CNTNAP2: variants seen among roughly 807,000 people sequenced by gnomAD.
The protein encoded by CNTNAP2 is contactin-associated protein-like 2.
CNTNAP2 carries 98 observed loss-of-function variants against 155.2 expected under a neutral mutation model. That is an observed-to-expected ratio of 0.63 (90% CI 0.54 to 0.75). The LOEUF is 0.75. Among genes scored for constraint, CNTNAP2 ranks in the 30% least tolerant of loss-of-function variants. The pLI is 0.00. For synonymous variants in CNTNAP2, 651 were observed against 631.2 expected, an observed-to-expected ratio of 1.03 and a Z score of -0.47; for missense variants, 1,727 against 1,688.1, an observed-to-expected ratio of 1.02 and a Z score of -0.40.
intron 21 of CNTNAP2, among the ~76,000 whole-genome samples, chr7:148,318,679 C>G (rs887925168): frequency 2.0e-5 from 3 of 152,166 alleles, no homozygotes; most frequent in Non-Finnish European, 2.9e-5. Flanking sequence ...ACACTGTTAA[C>G]CTTTGCAAAT....
intron 10 of CNTNAP2, among the ~76,000 whole-genome samples, chr7:147,414,996 G>C (rs1192864564): frequency 6.8e-6 from 1 of 147,776 alleles, no homozygotes; most frequent in Non-Finnish European, 1.5e-5. Flanking sequence ...TTCTCTATCT[G>C]AGAACTGATA....
chr7:146,355,373 G>T (rs1031452263), intron 1 of CNTNAP2, among the ~76,000 whole-genome samples: 4 of 152,102 alleles, frequency 2.6e-5, no homozygotes, highest in Admixed American at 6.5e-5. Flanking sequence ...ACAGCATGGG[G>T]TTCCAATAAC....
chr7:147,179,866 G>T lies in CNTNAP2; in HGVS notation c.1348+47357G>T, dbSNP rs539020601. Among the ~76,000 whole-genome samples the T allele has an allele frequency of 2.0e-5, 3 of 151,206 alleles. No homozygotes were observed. In the South Asian group the frequency reaches 6.3e-4, roughly 32 times the overall value. ...AGAGTAAGTGATCTTGAGGACAAGA[G>T]GCATTTTTGAGAAGAAAATGTTTGA... On this transcript the variant is annotated intron_variant, in intron 8 of 23. Coordinates refer to ENST00000361727, the MANE Select transcript of CNTNAP2 (RefSeq NM_014141.6).
At chr7:147,681,114 G>A (rs1795942606) in intron 13 of CNTNAP2, among the ~76,000 whole-genome samples, 1 of 151,968 alleles carries the variant, frequency 6.6e-6, no homozygotes, top group Non-Finnish European at 1.5e-5. Context: ...GAAGTTTCAT[G>A]TGTATGAGAT....
intron 11 of CNTNAP2, among the ~76,000 whole-genome samples, chr7:147,519,335 A>C (rs183929868): frequency 6.6e-6 from 1 of 152,252 alleles, no homozygotes; most frequent in Admixed American, 6.5e-5. Context: ...TCTGGCACTG[A>C]CTACCCTGCC....
intron 1 of CNTNAP2, among the ~76,000 whole-genome samples, chr7:146,631,973 A>C (rs745394272): frequency 2.0e-5 from 3 of 152,178 alleles, no homozygotes; most frequent in Non-Finnish European, 2.9e-5. Flanking sequence ...AATTGATTAA[A>C]AGTATATCAT....
intron 9 of CNTNAP2, among the ~76,000 whole-genome samples, chr7:147,380,968 T>C (rs1796524993): frequency 6.6e-6 from 1 of 152,064 alleles, no homozygotes; most frequent in Admixed American, 6.6e-5. Flanking sequence ...GACTAAGAAA[T>C]TATTTTCTGG....
At chr7:147,078,201 G>A (rs1210739194) in intron 4 of CNTNAP2, among the ~76,000 whole-genome samples, 1 of 152,164 alleles carries the variant, frequency 6.6e-6, no homozygotes, top group Non-Finnish European at 1.5e-5. Flanking sequence ...AGAATTACAT[G>A]TATAATGAAA....
At chr7:146,222,443 G>T (rs941043445) in intron 1 of CNTNAP2, among the ~76,000 whole-genome samples, 1 of 152,006 alleles carries the variant, frequency 6.6e-6, no homozygotes, top group African/African-American at 2.4e-5. Flanking sequence ...TAAAAAGATG[G>T]AATTCCTGGT....
rs544590257 is a variant in CNTNAP2, at chr7:146,699,775, C to T, written c.98-74496C>T. ...CTGAAATCAGGAATTCGAGACCAGCCTGGCCAACACAGCGAAACCCCGTCT... is the reference window on the plus strand; with the variant it reads ...CTGAAATCAGGAATTCGAGACCAGCTTGGCCAACACAGCGAAACCCCGTCT... On this transcript the variant is annotated intron_variant, in intron 1 of 23. Transcript: ENST00000361727. 3.3e-5 allele frequency among the ~76,000 whole-genome samples: 5 copies of T among 152,098 alleles called. No individual in the cohort carries two copies. In the East Asian group the frequency reaches 9.7e-4, roughly 29 times the overall value.
intron 15 of CNTNAP2, among the ~76,000 whole-genome samples, chr7:148,115,828 T>C (rs983188710): frequency 6.6e-6 from 1 of 151,950 alleles, no homozygotes; most frequent in African/African-American, 2.4e-5. Flanking sequence ...AAATCTATGA[T>C]TTTATACTTT....
chr7:148,365,443 C>G (rs1397889466), intron 21 of CNTNAP2, among the ~76,000 whole-genome samples: 3 of 152,050 alleles, frequency 2.0e-5, no homozygotes, highest in Admixed American at 1.3e-4. Flanking sequence ...GGTGGGCAGA[C>G]TCCCTGAGGT....
chr7:148,110,505 G>A (rs2116596457), intron 15 of CNTNAP2, among the ~76,000 whole-genome samples: 1 of 151,932 alleles, frequency 6.6e-6, no homozygotes, highest in East Asian at 1.9e-4. Flanking sequence ...ACCCACAGGT[G>A]GACTGTGACT....
chr7:148,390,338 G>A (rs1389460848), intron 22 of CNTNAP2, among the ~76,000 whole-genome samples: 3 of 152,148 alleles, frequency 2.0e-5, no homozygotes, highest in Non-Finnish European at 4.4e-5. Context: ...AGGACTCGGT[G>A]GCTCCAGTGA....
chr7:148,078,072 G>GTTT (rs141273074), intron 15 of CNTNAP2, among the ~76,000 whole-genome samples: 15 of 148,240 alleles, frequency 1.0e-4, no homozygotes, highest in East Asian at 9.8e-4. Context: ...TCATTGTTTT[G>GTTT]TTTTTTTTTT....
chr7:147,781,946 C>A lies in CNTNAP2; in HGVS notation c.2099-121619C>A, dbSNP rs990238285. On this transcript the variant is annotated intron_variant, in intron 13 of 23. Transcript: ENST00000361727. Reference sequence around the variant, plus strand: ...GCTGAGGCAGGAGAATGGCGTGAACCCAGGAGGCGAAGCTTGCAGTGAGCG... The same window carrying A: ...GCTGAGGCAGGAGAATGGCGTGAACACAGGAGGCGAAGCTTGCAGTGAGCG... 2.1e-4 allele frequency among the ~76,000 whole-genome samples: 32 copies of A among 151,852 alleles called. 1 individual carries two copies. The highest frequency in any genetic ancestry group is 3.9e-4 in the Admixed American group (6 of 15,258).
At chr7:146,734,514 G>A (rs1475500243) in intron 1 of CNTNAP2, among the ~76,000 whole-genome samples, 1 of 152,068 alleles carries the variant, frequency 6.6e-6, no homozygotes, top group African/African-American at 2.4e-5. Flanking sequence ...ATTATCTTAT[G>A]TGAGGTTCTA....
intron 1 of CNTNAP2, among the ~76,000 whole-genome samples, chr7:146,463,271 G>T (rs924684279): frequency 4.6e-5 from 7 of 151,942 alleles, no homozygotes; most frequent in Non-Finnish European, 1.0e-4. Context: ...AATGAGTTTT[G>T]CCAGAATTAT....
chr7:146,444,918 A>C (rs1454138126), intron 1 of CNTNAP2, among the ~76,000 whole-genome samples: 2 of 151,858 alleles, frequency 1.3e-5, no homozygotes, highest in Admixed American at 6.6e-5. Flanking sequence ...CGGCCTCCCA[A>C]AATGCTGGGA....
Sources: allele counts gnomAD v4.1 joint callset (sites outside exome capture counted in the v4.1 genomes callset), GRCh38; gene constraint gnomAD v4.1.1; transcripts MANE v1.5; gene names NCBI Gene and HGNC (gene_info 2026-07-23, HGNC 2026-07-21).